The following NBEA variants were observed in gnomAD, a reference collection of about 807,000 sequenced individuals.
The protein encoded by NBEA is neurobeachin, also known as lysosomal-trafficking regulator 2.
A neutral mutation model predicts 343.4 loss-of-function variants in NBEA; 44 were observed. That is an observed-to-expected ratio of 0.13 (90% CI 0.10 to 0.16). NBEA has a LOEUF of 0.16. NBEA is among the 10% of genes least tolerant of loss of function. The probability of loss-of-function intolerance (pLI) is 1.00; values close to 1 mark genes in which losing one functional copy is unlikely to be tolerated. For synonymous variants in NBEA, 1,175 were observed against 1,238.7 expected, an observed-to-expected ratio of 0.95 and a Z score of 1.08; for missense variants, 2,555 against 3,631.3, an observed-to-expected ratio of 0.70 and a Z score of 7.62.
intron 36 of NBEA, among the ~76,000 whole-genome samples, chr13:35,343,132 G>A (rs2039678992): frequency 1.3e-5 from 2 of 152,002 alleles, no homozygotes; most frequent in African/African-American, 2.4e-5. Flanking sequence ...AATATTTCAA[G>A]GGAAAAATTG....
intron 39 of NBEA, among the ~76,000 whole-genome samples, chr13:35,442,137 A>AT (rs994979091): frequency 3.3e-5 from 5 of 152,134 alleles, no homozygotes; most frequent in African/African-American, 1.2e-4. Context: ...AGTCATCCAC[A>AT]TAAAGATAAC....
At chr13:35,221,031 C>T (rs1296346517) in intron 33 of NBEA, among the ~76,000 whole-genome samples, 1 of 152,036 alleles carries the variant, frequency 6.6e-6, no homozygotes. Flanking sequence ...ACTCAAATTT[C>T]CATTTGACTT....
intron 10 of NBEA, among the ~76,000 whole-genome samples, chr13:35,087,754 C>G (rs1266135282): frequency 6.6e-6 from 1 of 151,802 alleles, no homozygotes; most frequent in East Asian, 1.9e-4. Context: ...TAGACAATTT[C>G]AGACACTTGG....
At chr13:35,092,983 C>A (rs2065162096) in intron 10 of NBEA, among the ~76,000 whole-genome samples, 1 of 151,910 alleles carries the variant, frequency 6.6e-6, no homozygotes, top group Non-Finnish European at 1.5e-5. Context: ...TGTGGTACAT[C>A]CATTAATACT....
intron 34 of NBEA, among the ~76,000 whole-genome samples, chr13:35,267,780 C>T (rs958447159): frequency 3.3e-5 from 5 of 149,292 alleles, no homozygotes; most frequent in African/African-American, 1.2e-4. Flanking sequence ...AAATGCAAAA[C>T]AAATCCAGAA....
intron 36 of NBEA, among the ~76,000 whole-genome samples, chr13:35,322,895 G>A (rs1370124998): frequency 1.3e-5 from 2 of 152,154 alleles, no homozygotes; most frequent in African/African-American, 4.8e-5. Flanking sequence ...TGTCATCCAG[G>A]TTGGAGTGCA....
At chr13:35,065,919 G>A (rs2063634075) in intron 8 of NBEA, among the ~76,000 whole-genome samples, 2 of 151,916 alleles carry the variant, frequency 1.3e-5, no homozygotes, top group African/African-American at 4.8e-5. Context: ...ATTCAGGTTT[G>A]TTTTATGACC....
intron 28 of NBEA, 112 bp from the exon 29 acceptor site, chr13:35,182,248 T>A (rs571946300): frequency 1.6e-6 from 1 of 614,148 alleles, no homozygotes; most frequent in Non-Finnish European, 2.5e-6. Flanking sequence ...TTCATAAAAG[T>A]TACATATCAT....
rs895411089 is a variant in NBEA, at chr13:35,427,940, G to A, written c.6180-4329G>A. Among the ~76,000 whole-genome samples, 11 of 152,276 alleles carry A rather than the reference G, an allele frequency of 7.2e-5. No individual in the cohort carries two copies. In the East Asian group the frequency reaches 9.7e-4, roughly 13 times the overall value. On this transcript the variant is annotated intron_variant, in intron 38 of 58. Coordinates refer to ENST00000379939, the MANE Select transcript of NBEA (RefSeq NM_001385012.1). ...GCGTAGGACCCTCTGAGCCATGTGC[G>A]GGATATAATCTCCTCGTGTGCCGTT...
intron 49 of NBEA, among the ~76,000 whole-genome samples, chr13:35,644,569 C>T (rs928439315): frequency 1.6e-4 from 24 of 152,264 alleles, no homozygotes; most frequent in Middle Eastern, 3.4e-3. Context: ...GGCTCCTCGC[C>T]CCCACTTGTG....
At chr13:35,040,142 T>A (rs868867833) in intron 1 of NBEA, among the ~76,000 whole-genome samples, 2 of 152,252 alleles carry the variant, frequency 1.3e-5, no homozygotes, top group Middle Eastern at 3.4e-3. Context: ...AGTTTGACAG[T>A]GTTCTTTTTT....
intron 34 of NBEA, among the ~76,000 whole-genome samples, chr13:35,245,149 G>T (rs1304005373): frequency 6.6e-6 from 1 of 152,078 alleles, no homozygotes; most frequent in African/African-American, 2.4e-5. Flanking sequence ...TGCATGGAAT[G>T]TCCTTTTCCA....
chr13:35,034,915 C>G (rs1303832082), intron 1 of NBEA, among the ~76,000 whole-genome samples: 1 of 151,670 alleles, frequency 6.6e-6, no homozygotes, highest in Non-Finnish European at 1.5e-5. Flanking sequence ...TTTGGATCCT[C>G]TCTCTTAGTC....
intron 49 of NBEA, among the ~76,000 whole-genome samples, chr13:35,645,022 T>C (rs1222817347): frequency 6.6e-6 from 1 of 152,264 alleles, no homozygotes; most frequent in Non-Finnish European, 1.5e-5. Context: ...TGCATTCATA[T>C]TTAATATTGC....
At chr13:35,384,507 G>A (rs2042148653) in intron 38 of NBEA, among the ~76,000 whole-genome samples, 1 of 148,864 alleles carries the variant, frequency 6.7e-6, no homozygotes, top group African/African-American at 2.5e-5. Context: ...TCAGCATCTA[G>A]AACCTTGAAT....
At chr13:35,332,523 G>A (rs1300663033) in intron 36 of NBEA, among the ~76,000 whole-genome samples, 1 of 152,022 alleles carries the variant, frequency 6.6e-6, no homozygotes, top group African/African-American at 2.4e-5. Context: ...TTTAACTTTG[G>A]ATAACACCAA....
At chr13:35,256,226 C>T (rs538107847) in intron 34 of NBEA, among the ~76,000 whole-genome samples, 1 of 152,216 alleles carries the variant, frequency 6.6e-6, no homozygotes, top group South Asian at 2.1e-4. Flanking sequence ...AGAGGAGACC[C>T]ATAGTAGAAA....
At chr13:35,345,967 T>C (rs1387711852) in intron 36 of NBEA, among the ~76,000 whole-genome samples, 1 of 152,072 alleles carries the variant, frequency 6.6e-6, no homozygotes, top group Non-Finnish European at 1.5e-5. Context: ...TTCAGAGTGG[T>C]GTCAAGAGTC....
chr13:35,061,257 G>A (rs1206846568), intron 8 of NBEA, among the ~76,000 whole-genome samples: 1 of 151,426 alleles, frequency 6.6e-6, no homozygotes, highest in African/African-American at 2.4e-5. Flanking sequence ...GTTATTTTCT[G>A]GAAACAGTAA....
Sources: gnomAD v4.1 joint callset for allele counts (sites outside exome capture counted in the v4.1 genomes callset) on GRCh38, gnomAD v4.1.1 for gene constraint, MANE v1.5 for transcripts, NCBI Gene and HGNC (gene_info 2026-07-23, HGNC 2026-07-21) for gene names.